Variants in ESYT1 observed in about 807,000 individuals in gnomAD.
ESYT1 encodes extended synaptotagmin 1.
ESYT1 carries 116 observed loss-of-function variants against 154.2 expected under a neutral mutation model. The ratio of observed to expected loss-of-function variants is 0.75; its 90% CI spans 0.65 to 0.88. The LOEUF (loss-of-function observed/expected upper bound fraction) is 0.88, where lower values mean the gene tolerates loss of function less well. Among genes scored for constraint, ESYT1 ranks in the 40% least tolerant of loss-of-function variants. ESYT1 has a pLI of 0.00. For synonymous variants in ESYT1, 500 were observed against 539.9 expected (o/e 0.93, Z 1.02); for missense variants, 1,264 against 1,379.3 (o/e 0.92, Z 1.32).
rs1419853889 is a variant in ESYT1, at chr12:56,138,995, T to C, written c.2574T>C (p.Thr858=). ...CCTTTCTCATCAGGAAACCACACAC[T>C]GAGAGCCTAGAGTTGCAGGTACTGT... ...SASFLIRKPH[T]ESLELQVRGE... The change falls in exon 24 of 31, where the codon ACT becomes ACC. Residue 858 remains threonine (T), a synonymous_variant. Coordinates refer to ENST00000394048, the MANE Select transcript of ESYT1 (RefSeq NM_015292.3). The C allele has an allele frequency of 2.0e-5, 32 of 1,613,796 alleles. No homozygotes were observed. The highest frequency in any genetic ancestry group is 2.6e-5 in the Non-Finnish European group (31 of 1,179,816).
chr12:56,128,861 G>A lies in ESYT1; in HGVS notation c.390+152G>A, dbSNP rs996422278. The A allele has an allele frequency of 3.2e-6, 3 of 929,600 alleles. No individual in the cohort carries two copies. In the South Asian group the frequency reaches 5.0e-5, roughly 15 times the overall value. 57.6% of individuals were successfully genotyped at this position (929,600 alleles called of 1,614,324 possible). A position where few individuals can be genotyped will look rare whatever the true frequency, so the allele number is the denominator to read the frequency against. On this transcript the variant is annotated intron_variant, in intron 1 of 30. Coordinates refer to ENST00000394048, the MANE Select transcript of ESYT1 (RefSeq NM_015292.3). The stretch of plus-strand genomic sequence containing the variant: ...TCTCCCCGCTAGCCGCCTGCCTGCT[G>A]GACGCGCCACTCTTGGAACCGACTG...
At chr12:56,141,305 C>T (rs1870674132) in intron 24 of ESYT1, among the ~76,000 whole-genome samples, 1 of 152,100 alleles carries the variant, frequency 6.6e-6, no homozygotes, top group East Asian at 1.9e-4. Context: ...ATTAGAATTC[C>T]GTGAGAACAA....
Position 56,133,272 on chromosome 12 carries a change from C to T in ESYT1, c.1245-145C>T, listed in dbSNP as rs1195708308. The T allele has an allele frequency of 5.0e-6, 4 of 801,144 alleles. No homozygotes were observed. In the Admixed American group the frequency reaches 8.1e-5, roughly 16 times the overall value. 49.6% of individuals were successfully genotyped at this position (801,144 alleles called of 1,614,324 possible). A position where few individuals can be genotyped will look rare whatever the true frequency, so the allele number is the denominator to read the frequency against. On this transcript the variant is annotated intron_variant, in intron 10 of 30. Coordinates refer to ENST00000394048, the MANE Select transcript of ESYT1 (RefSeq NM_015292.3). ...CCTACCATGCACATACTCACGCATGCAGGTGAATATCTTCTGAGAGGAATA... is the reference window on the plus strand; with the variant it reads ...CCTACCATGCACATACTCACGCATGTAGGTGAATATCTTCTGAGAGGAATA...
At chr12:56,139,401 C>A (rs1001861365) in intron 24 of ESYT1, among the ~76,000 whole-genome samples, 1 of 150,190 alleles carries the variant, frequency 6.7e-6, no homozygotes, top group Non-Finnish European at 1.5e-5. Flanking sequence ...TGTGAGCCAC[C>A]GCACCCGGCC....
At chr12:56,132,896 G>A (rs573663729) in intron 10 of ESYT1, 95 bp downstream of exon 10, 50 of 1,007,852 alleles carry the variant, frequency 5.0e-5, no homozygotes, top group African/African-American at 4.1e-4. Flanking sequence ...TGAGGCGGGC[G>A]GATCACGAGG....
intron 15 of ESYT1, 54 bp downstream of exon 15, chr12:56,134,482 A>T: frequency 6.8e-7 from 1 of 1,463,006 alleles, no homozygotes; most frequent in South Asian, 1.1e-5. Flanking sequence ...GACTTCCCAG[A>T]TCTGTACCAT....
chr12:56,132,865 A>G (rs938994425), intron 10 of ESYT1, 64 bp downstream of exon 10: 88 of 1,435,466 alleles, frequency 6.1e-5, no homozygotes, highest in Non-Finnish European at 8.4e-5. Context: ...TCATGCCTGT[A>G]ATCCCAGCAC....
At chr12:56,130,954 G>A in intron 3 of ESYT1, 29 bp downstream of exon 3, 3 of 1,614,168 alleles carry the variant, frequency 1.9e-6, no homozygotes, top group Non-Finnish European at 2.5e-6. Flanking sequence ...AAGTGAGGAG[G>A]TAGGCTAGGG....
At position 56,143,055 on chromosome 12, in the gene ESYT1, A is replaced by G. The variant is rs545963093; in HGVS notation, c.3026A>G (p.Tyr1009Cys). ...AATGGACGTGATCCTCCTGATCCCTATGTGTCACTGTTGCTACTGCCAGAC... is the reference window on the plus strand; with the variant it reads ...AATGGACGTGATCCTCCTGATCCCTGTGTGTCACTGTTGCTACTGCCAGAC... ...RQNGRDPPDP[Y>C]VSLLLLPDKN... The change falls in exon 28 of 31, where the codon TAT becomes TGT. Residue 1009 changes from tyrosine (Y) to cysteine (C), a missense_variant. Tyr to Cys is a radical substitution (Grantham distance 194, BLOSUM62 -2). Coordinates refer to ENST00000394048, the MANE Select transcript of ESYT1 (RefSeq NM_015292.3). 38 of 1,614,100 alleles carry G rather than the reference A, an allele frequency of 2.4e-5. No individual in the cohort carries two copies. In the East Asian group the frequency reaches 4.0e-4, roughly 17 times the overall value.
In ESYT1 at chr12:56,140,157, G is replaced by T. The variant is rs564460875; in HGVS notation, c.2592+1144G>T. Among the ~76,000 whole-genome samples the T allele has an allele frequency of 4.6e-5, 7 of 151,684 alleles. No individual in the cohort carries two copies. The South Asian group carries it at 1.3e-3, about 27-fold the overall frequency. ...TGCTGGGATTACAAGCGTGAGAACC[G>T]CGCCCCAGCCTAAGGGTAGATTTAC... On this transcript the variant is annotated intron_variant, in intron 24 of 30. Coordinates refer to ENST00000394048, the MANE Select transcript of ESYT1 (RefSeq NM_015292.3).
At chr12:56,134,040 C>T in intron 13 of ESYT1, 70 bp from the exon 14 acceptor site, 2 of 1,589,278 alleles carry the variant, frequency 1.3e-6, no homozygotes, top group South Asian at 1.1e-5. Context: ...CTGATGCGAT[C>T]CCACCTTCCT....
At chr12:56,131,711 C>G (rs1870242236) in intron 6 of ESYT1, 38 bp from the exon 7 acceptor site, 2 of 1,613,466 alleles carry the variant, frequency 1.2e-6, no homozygotes, top group Non-Finnish European at 1.7e-6. Context: ...TGACCACACC[C>G]CATAGGATCT....
rs780448474 is a variant in ESYT1 at position 56,138,281 on chromosome 12, G to A, written c.2337+9G>A. 6.2e-6 allele frequency: 10 copies of A among 1,614,170 alleles called. No individual in the cohort carries two copies. In the East Asian group the frequency reaches 2.2e-4, roughly 36 times the overall value. ...CTGCTGAGTTAGAGGAGGTAGGGCAGGAGACTTGAGGAAGGAAGGGACCCA... is the reference window on the plus strand; with the variant it reads ...CTGCTGAGTTAGAGGAGGTAGGGCAAGAGACTTGAGGAAGGAAGGGACCCA... On this transcript the variant is annotated intron_variant, in intron 21 of 30. Coordinates refer to ENST00000394048, the MANE Select transcript of ESYT1 (RefSeq NM_015292.3).
chr12:56,142,849 C>CA lies in ESYT1; in HGVS notation c.2904dup (p.Ala969SerfsTer16), dbSNP rs1870763090. Reference sequence around the variant, plus strand: ...TTTCTCCACAGTCCCCTTGAGGCTCCAGCCGGGCCTCTGGGCCAGGTGAAA... The same window carrying CA: ...TTTCTCCACAGTCCCCTTGAGGCTCCAAGCCGGGCCTCTGGGCCAGGTGAAA... On this transcript the variant is annotated frameshift_variant, in exon 27 of 31. Coordinates refer to ENST00000394048, the MANE Select transcript of ESYT1 (RefSeq NM_015292.3). LOFTEE classifies it high-confidence loss of function. This position sits in a 1 kb window ranked among gnomAD's most constrained non-coding sequence, Gnocchi z 4.1. 8.7e-6 allele frequency: 14 copies of CA among 1,614,094 alleles called. No individual in the cohort carries two copies. The highest frequency in any genetic ancestry group is 1.2e-5 in the Non-Finnish European group (14 of 1,180,050).
chr12:56,142,284 G>T lies in ESYT1; in HGVS notation c.2593-1G>T. On this transcript the variant is annotated splice_acceptor_variant, in intron 24 of 30. Coordinates refer to ENST00000394048, the MANE Select transcript of ESYT1 (RefSeq NM_015292.3). LOFTEE classifies it high-confidence loss of function. The surrounding 1 kb of genome is among the most constrained non-coding windows in gnomAD (Gnocchi z 4.1). ...TTGATCATGGTCCTGTTGCCCCACA[G>T]GTTCGGGGTGAGGGCACTGGCGTGC... The T allele has an allele frequency of 6.2e-7, 1 of 1,613,890 alleles. No homozygotes were observed. Among genetic ancestry groups the T allele is most frequent in the South Asian group, 1.1e-5 (1 of 91,056 alleles).
chr12:56,130,650 T>G (rs756818002), intron 2 of ESYT1, 27 bp downstream of exon 2: 3 of 1,614,158 alleles, frequency 1.9e-6, no homozygotes, highest in Non-Finnish European at 2.5e-6. Flanking sequence ...TTTTTAGTCT[T>G]CATGAGGGGA....
chr12:56,129,565 A>C (rs1336328981), intron 1 of ESYT1: 3 of 152,338 alleles, frequency 2.0e-5, no homozygotes, highest in Non-Finnish European at 4.4e-5. Flanking sequence ...CAAAATTGAC[A>C]CTAGACAGAC....
chr12:56,137,710 C>T (rs1161590384), intron 18 of ESYT1, 35 bp downstream of exon 18: 16 of 1,609,756 alleles, frequency 9.9e-6, no homozygotes, highest in Non-Finnish European at 1.4e-5. Flanking sequence ...CTGGTTCTGC[C>T]CCATTTTTCC....
intron 10 of ESYT1, among the ~76,000 whole-genome samples, chr12:56,133,183 A>G (rs1870312066): frequency 1.3e-5 from 2 of 152,128 alleles, no homozygotes; most frequent in African/African-American, 4.8e-5. Context: ...GGAGGTAATT[A>G]TACTCACTTT....
Sources: gnomAD v4.1 joint callset for allele counts (sites outside exome capture counted in the v4.1 genomes callset) on GRCh38, gnomAD v4.1.1 for gene constraint, Gnocchi (gnomAD v3.1) non-coding constraint, MANE v1.5 for transcripts, NCBI Gene and HGNC (gene_info 2026-07-23, HGNC 2026-07-21) for gene names.